Variants in BTG4 observed in about 807,000 individuals in gnomAD.
BTG4 encodes the protein protein BTG4.
Under a neutral mutation model 19.3 loss-of-function variants are expected in BTG4, and 10 were observed. That is an observed-to-expected ratio of 0.52 (90% CI 0.32 to 0.88). The LOEUF (loss-of-function observed/expected upper bound fraction) is 0.88. Among genes scored for constraint, BTG4 ranks in the 40% least tolerant of loss-of-function variants. The pLI, the probability that BTG4 is intolerant of heterozygous loss-of-function variation, is 0.04. For missense variants in BTG4, 238 were observed against 281.9 expected, an observed-to-expected ratio of 0.84 and a Z score of 1.11; for synonymous variants, 91 against 95.7, an observed-to-expected ratio of 0.95 and a Z score of 0.29.
At chr11:111,454,246 G>A in the BTG4 span, 1 of 455,442 alleles carries the variant, frequency 2.2e-6, no homozygotes, top group South Asian at 1.6e-5. Flanking sequence ...GTGGGAGCTG[G>A]GAGGCTGAGG....
chr11:111,424,579 CATT>C, the BTG4 span, among the ~76,000 whole-genome samples: 1 of 152,194 alleles, frequency 6.6e-6, no homozygotes, highest in Non-Finnish European at 1.5e-5. Context: ...CATTCATCAT[CATT>C]AAGTGGTAAG....
At chr11:111,425,312 G>A in the BTG4 span, among the ~76,000 whole-genome samples, 1 of 152,134 alleles carries the variant, frequency 6.6e-6, no homozygotes, top group Non-Finnish European at 1.5e-5. Flanking sequence ...ACCATAGGCA[G>A]GCTCCATGCT....
chr11:111,498,207 A>G, intron 2 of BTG4, 72 bp from the exon 3 acceptor site: 1 of 1,548,912 alleles, frequency 6.5e-7, no homozygotes, highest in Non-Finnish European at 8.8e-7. Flanking sequence ...TTATGCACAT[A>G]CTGTTCCAAT....
At chr11:111,505,739 A>ATTAG (rs1227679644) in intron 1 of BTG4, among the ~76,000 whole-genome samples, 1 of 152,022 alleles carries the variant, frequency 6.6e-6, no homozygotes, top group Non-Finnish European at 1.5e-5. Flanking sequence ...CCAACAAAGA[A>ATTAG]TTAGTATTCA....
At chr11:111,477,032 G>C (rs899954400) in intron 5 of BTG4, among the ~76,000 whole-genome samples, 1 of 152,106 alleles carries the variant, frequency 6.6e-6, no homozygotes, top group Non-Finnish European at 1.5e-5. Context: ...AGGTGGCAAA[G>C]AAAAAGTAGT....
the BTG4 span, among the ~76,000 whole-genome samples, chr11:111,401,303 GA>G: frequency 6.6e-6 from 1 of 150,392 alleles, no homozygotes; most frequent in Non-Finnish European, 1.5e-5. Context: ...TGTGAATGGT[GA>G]AAACCCGTCT....
downstream of BTG4, among the ~76,000 whole-genome samples, chr11:111,490,187 C>G (rs913059720): frequency 6.6e-6 from 1 of 151,376 alleles, no homozygotes; most frequent in African/African-American, 2.4e-5. Flanking sequence ...GCAGGAGAAT[C>G]GCTTGATACT....
chr11:111,514,550 C>A, upstream of BTG4: 1 of 529,486 alleles, frequency 1.9e-6, no homozygotes, highest in Non-Finnish European at 3.4e-6. Context: ...CAGGACACAA[C>A]CCAAAGTTGA....
chr11:111,446,476 A>G, the BTG4 span, among the ~76,000 whole-genome samples: 1 of 152,164 alleles, frequency 6.6e-6, no homozygotes, highest in Non-Finnish European at 1.5e-5. Context: ...CCCACCCCAG[A>G]TCACCCATAC....
chr11:111,402,937 G>A, the BTG4 span, among the ~76,000 whole-genome samples: 1 of 152,104 alleles, frequency 6.6e-6, no homozygotes, highest in African/African-American at 2.4e-5. Flanking sequence ...GTGTTGACTT[G>A]GTGAAGAATT....
chr11:111,389,183 C>T, the BTG4 span, among the ~76,000 whole-genome samples: 2 of 152,168 alleles, frequency 1.3e-5, no homozygotes, highest in African/African-American at 4.8e-5. Context: ...CTGGCAGCTG[C>T]ACTGCTGTTT....
At chr11:111,430,813 C>T in the BTG4 span, among the ~76,000 whole-genome samples, 3 of 152,216 alleles carry the variant, frequency 2.0e-5, no homozygotes, top group South Asian at 4.1e-4. Flanking sequence ...ACATTAGAAT[C>T]TTGGTTGTTT....
At chr11:111,436,881 G>T in the BTG4 span, among the ~76,000 whole-genome samples, 1 of 152,284 alleles carries the variant, frequency 6.6e-6, no homozygotes, top group African/African-American at 2.4e-5. Flanking sequence ...GGTGTTTGTT[G>T]TATTTCTCCG....
At chr11:111,450,201 C>G in the BTG4 span, 2 of 152,434 alleles carry the variant, frequency 1.3e-5, no homozygotes, top group South Asian at 2.1e-4. Context: ...ACTATTCCCA[C>G]CCCCACCTCC....
intron 1 of BTG4, among the ~76,000 whole-genome samples, chr11:111,499,894 C>T (rs1865962649): frequency 6.6e-6 from 1 of 152,104 alleles, no homozygotes; most frequent in Non-Finnish European, 1.5e-5. Context: ...ATAATCCCAA[C>T]ACTTTGGAAG....
the BTG4 span, among the ~76,000 whole-genome samples, chr11:111,441,041 C>T: frequency 0.29 from 43,451 of 151,950 alleles, 6,773 homozygotes; most frequent in South Asian, 0.49. Context: ...GAGTGGCAGT[C>T]ATCTGGCAGA....
chr11:111,511,426 C>A (rs1004930989), intron 1 of BTG4, among the ~76,000 whole-genome samples: 1 of 152,206 alleles, frequency 6.6e-6, no homozygotes, highest in African/African-American at 2.4e-5. Flanking sequence ...GTTCATGTTA[C>A]TTGTGGCATC....
intron 5 of BTG4, among the ~76,000 whole-genome samples, chr11:111,485,338 A>G (rs1176383273): frequency 6.6e-6 from 1 of 152,202 alleles, no homozygotes; most frequent in Non-Finnish European, 1.5e-5. Context: ...ATTCTCAAGG[A>G]CAGACCATAT....
At chr11:111,403,405 G>A in the BTG4 span, among the ~76,000 whole-genome samples, 330 of 152,292 alleles carry the variant, frequency 2.2e-3, 6 homozygotes, top group Non-Finnish European at 3.8e-4. Context: ...AATGGAGAAA[G>A]GGGAAATGTT....
Sources: allele counts gnomAD v4.1 joint callset (sites outside exome capture counted in the v4.1 genomes callset), GRCh38; gene constraint gnomAD v4.1.1; transcripts MANE v1.5; gene names NCBI Gene and HGNC (gene_info 2026-07-23, HGNC 2026-07-21).